Variants in NMNAT3 observed in about 807,000 individuals in gnomAD.
NMNAT3 encodes nicotinamide/nicotinic acid mononucleotide adenylyltransferase 3.
NMNAT3 carries 21 observed loss-of-function variants against 24.8 expected under a neutral mutation model. The observed-to-expected ratio is 0.85, with a 90% CI of 0.60 to 1.22. The LOEUF is 1.22. Among genes scored for constraint, NMNAT3 ranks in the 50% most tolerant of loss-of-function variants. The pLI is 0.00. For synonymous variants in NMNAT3, 136 were observed against 155.2 expected, an observed-to-expected ratio of 0.88 and a Z score of 0.92; for missense variants, 387 against 436.6, an observed-to-expected ratio of 0.89 and a Z score of 1.01.
chr3:139,616,002 T>G (rs760957908), intron 3 of NMNAT3, among the ~76,000 whole-genome samples: 7 of 152,134 alleles, frequency 4.6e-5, no homozygotes. Context: ...ACATTCAACC[T>G]CACTTTACCT....
At chr3:139,644,118 A>G (rs1576727404) in intron 1 of NMNAT3, among the ~76,000 whole-genome samples, 2 of 152,222 alleles carry the variant, frequency 1.3e-5, no homozygotes, top group Non-Finnish European at 2.9e-5. Flanking sequence ...CATTTCAATT[A>G]TGTAAGCCAA....
intron 2 of NMNAT3, chr3:139,636,651 C>T (rs1020516023): frequency 3.9e-5 from 6 of 152,186 alleles, no homozygotes; most frequent in South Asian, 2.1e-4. Context: ...AGCTGTGCCT[C>T]GAAATTGAGT....
chr3:139,597,903 G>A (rs1023437334), intron 3 of NMNAT3, among the ~76,000 whole-genome samples: 3 of 152,206 alleles, frequency 2.0e-5, no homozygotes, highest in African/African-American at 7.2e-5. Context: ...AATAGGAGAG[G>A]AGGAACACAT....
At chr3:139,564,010 T>C (rs932218110) in intron 6 of NMNAT3, among the ~76,000 whole-genome samples, 1 of 152,178 alleles carries the variant, frequency 6.6e-6, no homozygotes, top group African/African-American at 2.4e-5. Flanking sequence ...CTAGGATCTT[T>C]GAAAGTTTGG....
chr3:139,590,924 A>T (rs554467320), intron 3 of NMNAT3, among the ~76,000 whole-genome samples: 4 of 152,332 alleles, frequency 2.6e-5, no homozygotes, highest in African/African-American at 9.6e-5. Context: ...ATAATGATAT[A>T]GATTAAAAAT....
At chr3:139,588,730 T>C (rs2054045390) in intron 3 of NMNAT3, among the ~76,000 whole-genome samples, 1 of 152,118 alleles carries the variant, frequency 6.6e-6, no homozygotes, top group Non-Finnish European at 1.5e-5. Context: ...TATCCTCCCA[T>C]TGTGGCAGAA....
intron 1 of NMNAT3, among the ~76,000 whole-genome samples, chr3:139,675,728 A>T (rs1033808618): frequency 2.0e-5 from 3 of 152,184 alleles, no homozygotes; most frequent in African/African-American, 7.2e-5. Flanking sequence ...CTAAGGAACG[A>T]TATCAATAGT....
chr3:139,613,802 GC>G (rs2055346473), intron 3 of NMNAT3, among the ~76,000 whole-genome samples: 2 of 152,140 alleles, frequency 1.3e-5, no homozygotes, highest in South Asian at 4.2e-4. Flanking sequence ...ATACTATGCA[GC>G]CATAAAAAAT....
intron 5 of NMNAT3, 86 bp from the exon 6 acceptor site, chr3:139,573,766 G>T: frequency 1.5e-6 from 1 of 676,800 alleles, no homozygotes; most frequent in Non-Finnish European, 2.5e-6. Context: ...GTCTCAGCCT[G>T]CTTTTATCTA....
chr3:139,627,016 G>T (rs1290677857), intron 3 of NMNAT3, among the ~76,000 whole-genome samples: 1 of 152,066 alleles, frequency 6.6e-6, no homozygotes, highest in African/African-American at 2.4e-5. Context: ...CAATCATGCA[G>T]ATTACAAATG....
chr3:139,655,513 C>G (rs2057210643), intron 1 of NMNAT3, among the ~76,000 whole-genome samples: 1 of 152,212 alleles, frequency 6.6e-6, no homozygotes, highest in South Asian at 2.1e-4. Flanking sequence ...ATTCTAATTT[C>G]AAGAAGTGAT....
chr3:139,563,593 C>T (rs1449802693), intron 6 of NMNAT3, among the ~76,000 whole-genome samples: 1 of 152,160 alleles, frequency 6.6e-6, no homozygotes, highest in Non-Finnish European at 1.5e-5. Context: ...CCCACACCTC[C>T]CCTGCCCCCC....
chr3:139,611,131 C>T (rs971184098), intron 3 of NMNAT3, among the ~76,000 whole-genome samples: 5 of 151,982 alleles, frequency 3.3e-5, no homozygotes, highest in Non-Finnish European at 7.4e-5. Flanking sequence ...GCACGTGGGG[C>T]AGGATCGTTA....
At chr3:139,600,335 TGCTCTTGTAGCACTG>T (rs1227090519) in intron 3 of NMNAT3, among the ~76,000 whole-genome samples, 2 of 151,994 alleles carry the variant, frequency 1.3e-5, no homozygotes, top group African/African-American at 4.8e-5. Flanking sequence ...GACGGAGTTT[TGCTCTTGTAGCACTG>T]GCTAGAGTGC....
intron 3 of NMNAT3, among the ~76,000 whole-genome samples, chr3:139,597,519 TG>T (rs1294920019): frequency 6.6e-6 from 1 of 152,222 alleles, no homozygotes. Context: ...CTACTTTATA[TG>T]GGTATTTTGC....
intron 6 of NMNAT3, among the ~76,000 whole-genome samples, chr3:139,562,925 T>A (rs1307514142): frequency 6.6e-6 from 1 of 152,208 alleles, no homozygotes; most frequent in Non-Finnish European, 1.5e-5. Flanking sequence ...GTATGAACTC[T>A]TAGTGGTTAC....
chr3:139,590,991 C>CCGGT (rs1356705711), intron 3 of NMNAT3, among the ~76,000 whole-genome samples: 3 of 152,132 alleles, frequency 2.0e-5, no homozygotes, highest in African/African-American at 7.2e-5. Flanking sequence ...AGGAACAGCT[C>CCGGT]CGGTCTACAG....
intron 1 of NMNAT3, among the ~76,000 whole-genome samples, chr3:139,671,048 G>A (rs2057740041): frequency 6.6e-6 from 1 of 152,146 alleles, no homozygotes; most frequent in Non-Finnish European, 1.5e-5. Context: ...AGGCCACAAA[G>A]GTAGTGGCCT....
intron 5 of NMNAT3, among the ~76,000 whole-genome samples, chr3:139,573,941 C>G (rs1406067814): frequency 6.6e-6 from 1 of 151,986 alleles, no homozygotes; most frequent in Non-Finnish European, 1.5e-5. Context: ...TAGTACATTT[C>G]TATTCTTTTA....
Sources: allele counts gnomAD v4.1 joint callset (sites outside exome capture counted in the v4.1 genomes callset), GRCh38; gene constraint gnomAD v4.1.1; transcripts MANE v1.5; gene names NCBI Gene and HGNC (gene_info 2026-07-23, HGNC 2026-07-21).